Variants in TSGA10 observed in about 807,000 individuals in gnomAD.
The protein encoded by TSGA10 is testis-specific gene 10 protein.
A neutral mutation model predicts 96.6 loss-of-function variants in TSGA10; 43 were observed. The ratio of observed to expected loss-of-function variants is 0.44; its 90% CI spans 0.35 to 0.57. The LOEUF is 0.57. TSGA10 is among the 20% of genes least tolerant of loss of function. The pLI, the probability that TSGA10 is intolerant of heterozygous loss-of-function variation, is 0.01. For synonymous variants in TSGA10, 229 were observed against 269.9 expected (o/e 0.85, Z 1.48); for missense variants, 703 against 834.4 (o/e 0.84, Z 1.94).
At chr2:99,088,335 G>A (rs546138369) in intron 10 of TSGA10, among the ~76,000 whole-genome samples, 1 of 152,226 alleles carries the variant, frequency 6.6e-6, no homozygotes, top group Non-Finnish European at 1.5e-5. Context: ...ATTAGTTATT[G>A]TTGTTAATCT....
chr2:99,035,468 G>A (rs2081533734), intron 16 of TSGA10, 29 bp from the exon 17 acceptor site: 52 of 1,364,810 alleles, frequency 3.8e-5, no homozygotes, highest in African/African-American at 5.9e-5. Flanking sequence ...ATATATGTAT[G>A]TATACATATA....
chr2:99,024,839 T>C (rs1034929036), intron 17 of TSGA10, among the ~76,000 whole-genome samples: 3 of 152,340 alleles, frequency 2.0e-5, no homozygotes, highest in African/African-American at 7.2e-5. Flanking sequence ...TAGAGTGTTT[T>C]TATCAGGCAA....
At chr2:99,084,006 T>G (rs542380696) in intron 10 of TSGA10, among the ~76,000 whole-genome samples, 2 of 152,198 alleles carry the variant, frequency 1.3e-5, no homozygotes, top group African/African-American at 4.8e-5. Context: ...AATGTAATCA[T>G]TGTGGGAAAG....
chr2:99,135,044 A>T (rs1336063099), intron 1 of TSGA10, among the ~76,000 whole-genome samples: 1 of 152,048 alleles, frequency 6.6e-6, no homozygotes. Context: ...CTGCTGGGAG[A>T]TGTCTCCCAG....
At chr2:99,103,081 T>TAA (rs538726196) in intron 10 of TSGA10, among the ~76,000 whole-genome samples, 31 of 126,732 alleles carry the variant, frequency 2.4e-4, no homozygotes, top group African/African-American at 7.2e-4. Flanking sequence ...GTTTTATGAC[T>TAA]AAAAAAAAAA....
intron 1 of TSGA10, chr2:99,148,211 C>CA (rs1217912547): frequency 6.6e-6 from 1 of 152,064 alleles, no homozygotes; most frequent in African/African-American, 2.4e-5. Context: ...TGTTTAGATT[C>CA]AAGTTATGCA....
intron 17 of TSGA10, among the ~76,000 whole-genome samples, chr2:99,033,281 C>T (rs759940472): frequency 1.1e-4 from 16 of 152,176 alleles, no homozygotes; most frequent in East Asian, 3.8e-4. Flanking sequence ...CATGTCTGTT[C>T]GCATAGCTCT....
chr2:99,074,351 C>T (rs868390566), intron 12 of TSGA10, among the ~76,000 whole-genome samples: 4 of 145,038 alleles, frequency 2.8e-5, no homozygotes, highest in Admixed American at 6.9e-5. Context: ...CACATATTTG[C>T]GTGTGTGTGT....
chr2:99,144,905 G>A (rs1185546013), intron 1 of TSGA10, among the ~76,000 whole-genome samples: 1 of 152,124 alleles, frequency 6.6e-6, no homozygotes, highest in African/African-American at 2.4e-5. Flanking sequence ...ATAGGTCTGG[G>A]GTCGAATAAG....
chr2:99,062,541 G>A (rs557175401), intron 16 of TSGA10, among the ~76,000 whole-genome samples: 4 of 152,134 alleles, frequency 2.6e-5, no homozygotes, highest in Non-Finnish European at 5.9e-5. Context: ...ATCAAGACCA[G>A]CTTGGGCAAT....
At chr2:99,104,244 G>T in intron 9 of TSGA10, 126 bp from the exon 10 acceptor site, 1 of 1,043,136 alleles carries the variant, frequency 9.6e-7, no homozygotes, top group Non-Finnish European at 1.4e-6. Flanking sequence ...TATCAGGTTA[G>T]ACCTGACTGC....
intron 20 of TSGA10, among the ~76,000 whole-genome samples, chr2:99,014,892 G>T (rs2079361277): frequency 6.6e-6 from 1 of 152,144 alleles, no homozygotes; most frequent in Non-Finnish European, 1.5e-5. Context: ...AAATCTAGAG[G>T]AGATGGATAA....
intron 20 of TSGA10, among the ~76,000 whole-genome samples, chr2:99,014,360 A>G (rs1344112905): frequency 6.6e-6 from 1 of 152,084 alleles, no homozygotes; most frequent in Admixed American, 6.5e-5. Flanking sequence ...AATTATCATC[A>G]TCATCATCAT....
chr2:99,056,785 A>G (rs2084039216), intron 16 of TSGA10, among the ~76,000 whole-genome samples: 1 of 150,038 alleles, frequency 6.7e-6, no homozygotes, highest in African/African-American at 2.4e-5. Context: ...AAAGAAAATT[A>G]CAGACGCTCC....
intron 11 of TSGA10, among the ~76,000 whole-genome samples, chr2:99,079,862 C>T (rs186153654): frequency 6.6e-6 from 1 of 152,130 alleles, no homozygotes; most frequent in Non-Finnish European, 1.5e-5. Context: ...GGAGATAATA[C>T]CATATTGTCA....
chr2:99,082,972 C>G (rs948400322), intron 10 of TSGA10, among the ~76,000 whole-genome samples: 4 of 151,684 alleles, frequency 2.6e-5, no homozygotes, highest in African/African-American at 9.7e-5. Flanking sequence ...AGAATAGACA[C>G]TGTGAAAGAG....
chr2:99,065,090 C>T lies in TSGA10; in HGVS notation c.1253G>A (p.Arg418Gln), dbSNP rs778496953. The change falls in exon 16 of 21, where the codon CGA becomes CAA. Residue 418 changes from arginine (R) to glutamine (Q), a missense_variant. Physicochemically the swap from Arg to Gln is conservative, Grantham distance 43 (BLOSUM62 1). Transcript: ENST00000393483. ...GTTTTCAGCATCTTCATTGGCTTTT[C>T]GAAGTTGTTCCATCATTTGCCGGTT... Reference protein sequence around the residue: ...SENRQMMEQLRKANEDAENWE... With the variant: ...SENRQMMEQLQKANEDAENWE... 8.1e-6 allele frequency: 13 copies of T among 1,613,082 alleles called. No homozygotes were observed. The highest frequency in any genetic ancestry group is 6.7e-5 in the East Asian group (3 of 44,806).
intron 10 of TSGA10, 74 bp from the exon 11 acceptor site, chr2:99,081,471 A>C (rs1228756182): frequency 1.6e-6 from 1 of 642,400 alleles, no homozygotes; most frequent in African/African-American, 1.9e-5. Context: ...TAAATCTAAA[A>C]ACTTTTAAGG....
At chr2:99,025,251 C>G (rs1166717986) in intron 17 of TSGA10, among the ~76,000 whole-genome samples, 1 of 152,200 alleles carries the variant, frequency 6.6e-6, no homozygotes, top group Admixed American at 6.5e-5. Context: ...CTGAAGCCAT[C>G]TGGGCCTCAG....
Sources: allele counts gnomAD v4.1 joint callset (sites outside exome capture counted in the v4.1 genomes callset), GRCh38; gene constraint gnomAD v4.1.1; transcripts MANE v1.5; gene names NCBI Gene and HGNC (gene_info 2026-07-23, HGNC 2026-07-21).